The following DISP1 variants were observed in gnomAD, a reference collection of about 807,000 sequenced individuals.
DISP1 encodes the protein protein dispatched homolog 1.
A neutral mutation model predicts 37.3 loss-of-function variants in DISP1; 30 were observed. The ratio of observed to expected loss-of-function variants is 0.80; its 90% CI spans 0.60 to 1.09. DISP1 has a LOEUF of 1.09. Among genes scored for constraint, DISP1 ranks in the 50% least tolerant of loss-of-function variants. DISP1 has a pLI of 0.00. For synonymous variants in DISP1, 634 were observed against 690.2 expected (o/e 0.92, Z 1.28); for missense variants, 1,598 against 1,879.5 (o/e 0.85, Z 2.77).
intron 3 of DISP1, among the ~76,000 whole-genome samples, chr1:222,971,327 C>G (rs186961892): frequency 6.6e-5 from 10 of 151,974 alleles, no homozygotes; most frequent in African/African-American, 2.2e-4. Context: ...GATATCACAA[C>G]AGCTGCAAGG....
intron 1 of DISP1, among the ~76,000 whole-genome samples, chr1:222,906,394 T>A (rs892839787): frequency 2.0e-5 from 3 of 152,132 alleles, no homozygotes; most frequent in African/African-American, 7.2e-5. Context: ...CCAGAGCAAC[T>A]CCATCTTAAA....
chr1:222,856,813 C>G (rs1393512142), intron 1 of DISP1, among the ~76,000 whole-genome samples: 2 of 150,434 alleles, frequency 1.3e-5, no homozygotes, highest in African/African-American at 2.4e-5. Context: ...AAGCAGTCCT[C>G]CTGCCTCAGC....
In DISP1 at chr1:222,936,883, TATATA is replaced by T. The variant is rs1459360344; in HGVS notation, c.-17-5918_-17-5914del. Among the ~76,000 whole-genome samples, 7 of 67,022 alleles carry T rather than the reference TATATA, an allele frequency of 1.0e-4. 1 individual carries two copies. Among genetic ancestry groups the T allele is most frequent in the South Asian group, 3.8e-4 (1 of 2,646 alleles). 44.0% of individuals were successfully genotyped at this position (67,022 alleles called of 152,430 possible). A position where few individuals can be genotyped will look rare whatever the true frequency, so the allele number is the denominator to read the frequency against. ...TAATTTATATATCATATATATGATATATATAATATATTATTTATATATAATATATT... is the reference window on the plus strand; with the variant it reads ...TAATTTATATATCATATATATGATATATATATTATTTATATATAATATATT... On this transcript the variant is annotated intron_variant, in intron 2 of 8. Transcript: ENST00000675850.
rs931132117 is a variant in DISP1, at chr1:222,974,233, A to T, written c.510-8847A>T. On this transcript the variant is annotated intron_variant, in intron 3 of 8. Transcript: ENST00000675850. ...TCTTGGATAATTCTCAACAGTTTAT[A>T]GAAAACTGTTACACACACCAGCTCA... Among the ~76,000 whole-genome samples, 6 of 152,294 alleles carry T rather than the reference A, an allele frequency of 3.9e-5. No homozygotes were observed. In the South Asian group the frequency reaches 1.2e-3, roughly 32 times the overall value.
Position 223,003,727 on chromosome 1 carries a change from T to C in DISP1, c.2330T>C (p.Val777Ala). The stretch of plus-strand genomic sequence containing the variant: ...AAAAAGCTTTTCATGTTTGAACGTG[T>C]TCACCATGGCGAGGAGCTCCACATG... ...EYKKLFMFER[V>A]HHGEELHMPI... is the part of the protein sequence containing the mutation. Residue 777 changes from valine to alanine, a missense_variant, in exon 9 of 9, where the codon GTT becomes GCT. Physicochemically the swap from Val to Ala is moderately conservative, Grantham distance 64. Transcript: ENST00000675850. The surrounding 1 kb of genome is among the most constrained non-coding windows in gnomAD (Gnocchi z 4.3). 6.2e-7 allele frequency: 1 copy of C among 1,614,180 alleles called. No homozygotes were observed. Among genetic ancestry groups the C allele is most frequent in the Non-Finnish European group, 8.5e-7 (1 of 1,180,046 alleles).
intron 1 of DISP1, among the ~76,000 whole-genome samples, chr1:222,875,885 T>C (rs1190827561): frequency 6.6e-6 from 1 of 151,306 alleles, no homozygotes; most frequent in South Asian, 2.1e-4. Context: ...AAAACACTTA[T>C]TAGATGCCTG....
At chr1:222,935,362 T>C (rs576574215) in intron 2 of DISP1, among the ~76,000 whole-genome samples, 25 of 152,154 alleles carry the variant, frequency 1.6e-4, no homozygotes, top group Non-Finnish European at 3.5e-4. Flanking sequence ...AAAGAGTTAT[T>C]CTAAAATACA....
chr1:222,884,545 A>G (rs576170330), intron 1 of DISP1, among the ~76,000 whole-genome samples: 1 of 152,242 alleles, frequency 6.6e-6, no homozygotes, highest in Non-Finnish European at 1.5e-5. Context: ...ATTTGGGTAT[A>G]GCTTATGTTT....
At chr1:222,901,225 C>G (rs191805113) in intron 1 of DISP1, among the ~76,000 whole-genome samples, 1 of 151,944 alleles carries the variant, frequency 6.6e-6, no homozygotes, top group African/African-American at 2.4e-5. Flanking sequence ...GGTCATGAAC[C>G]AAACTTGAGG....
intron 1 of DISP1, among the ~76,000 whole-genome samples, chr1:222,908,072 G>A (rs554571770): frequency 2.2e-4 from 33 of 152,250 alleles, no homozygotes; most frequent in Non-Finnish European, 3.5e-4. Context: ...GTGGAGAACC[G>A]TTAGGCTTTC....
chr1:222,917,657 G>A (rs1672570647), intron 1 of DISP1, among the ~76,000 whole-genome samples: 1 of 152,258 alleles, frequency 6.6e-6, no homozygotes, highest in East Asian at 1.9e-4. Context: ...TATCAAGGGT[G>A]GTGAACAGAA....
rs1668545089 is a variant in DISP1 at position 222,856,353 on chromosome 1, C to G, written c.-159+41275C>G. On this transcript the variant is annotated intron_variant, in intron 1 of 8. Coordinates refer to ENST00000675850, the MANE Select transcript of DISP1 (RefSeq NM_001377229.1). ...TGAGTGCTTACTGTTTTTAATTTTCCTTTTCCGAACTTGAAGGCAGTGTTT... is the reference window on the plus strand; with the variant it reads ...TGAGTGCTTACTGTTTTTAATTTTCGTTTTCCGAACTTGAAGGCAGTGTTT... Among the ~76,000 whole-genome samples, 4 of 152,282 alleles carry G rather than the reference C, an allele frequency of 2.6e-5. No homozygotes were observed. In the South Asian group the frequency reaches 8.3e-4, roughly 32 times the overall value.
chr1:222,910,574 C>T (rs969325434), intron 1 of DISP1, among the ~76,000 whole-genome samples: 6 of 152,116 alleles, frequency 3.9e-5, no homozygotes, highest in Non-Finnish European at 5.9e-5. Context: ...TGTAAGTAGT[C>T]ATTTCTTGTA....
intron 2 of DISP1, among the ~76,000 whole-genome samples, chr1:222,930,811 C>T (rs1673343778): frequency 6.6e-6 from 1 of 152,028 alleles, no homozygotes; most frequent in Non-Finnish European, 1.5e-5. Flanking sequence ...ACTTAATTTA[C>T]TGATTCAATT....
At chr1:222,857,815 T>C (rs111485940) in intron 1 of DISP1, among the ~76,000 whole-genome samples, 17,632 of 152,222 alleles carry the variant, frequency 0.12, 1,407 homozygotes, top group Non-Finnish European at 0.16. Flanking sequence ...TCCATGCATA[T>C]GGATAGGAAG....
intron 4 of DISP1, among the ~76,000 whole-genome samples, chr1:222,983,971 C>T (rs764619295): frequency 2.0e-5 from 3 of 152,022 alleles, no homozygotes; most frequent in Admixed American, 6.6e-5. Context: ...AATTCAGTTG[C>T]CAAAGAAGCT....
chr1:222,898,220 A>C (rs1671377138), intron 1 of DISP1, among the ~76,000 whole-genome samples: 1 of 152,194 alleles, frequency 6.6e-6, no homozygotes, highest in Admixed American at 6.5e-5. Flanking sequence ...CTGCACTAGC[A>C]GATGTATTAT....
At chr1:222,936,371 T>A (rs2609343) in intron 2 of DISP1, among the ~76,000 whole-genome samples, 86,087 of 151,476 alleles carry the variant, frequency 0.57, 24,704 homozygotes, top group South Asian at 0.72. Context: ...ATTTTCAATG[T>A]GATGCAACTT....
intron 1 of DISP1, among the ~76,000 whole-genome samples, chr1:222,874,296 T>C (rs1174999166): frequency 6.6e-6 from 1 of 152,120 alleles, no homozygotes; most frequent in Non-Finnish European, 1.5e-5. Flanking sequence ...GCGTTCTCTG[T>C]ATTTCCTGAA....
Sources: gnomAD v4.1 joint callset for allele counts (sites outside exome capture counted in the v4.1 genomes callset) on GRCh38, gnomAD v4.1.1 for gene constraint, Gnocchi (gnomAD v3.1) non-coding constraint, MANE v1.5 for transcripts, NCBI Gene and HGNC (gene_info 2026-07-23, HGNC 2026-07-21) for gene names.